CCDC187: variants seen among roughly 807,000 people sequenced by gnomAD.
The protein encoded by CCDC187 is coiled-coil domain-containing protein 187.
A neutral mutation model predicts 38.0 loss-of-function variants in CCDC187; 32 were observed. The ratio of observed to expected loss-of-function variants is 0.84; its 90% CI spans 0.64 to 1.13. CCDC187 has a LOEUF of 1.13. Among genes scored for constraint, CCDC187 ranks in the 50% most tolerant of loss-of-function variants. The probability of loss-of-function intolerance (pLI) is 0.00; values close to 1 mark genes in which losing one functional copy is unlikely to be tolerated. For missense variants in CCDC187, 707 were observed against 786.8 expected, an observed-to-expected ratio of 0.90 and a Z score of 1.21; for synonymous variants, 333 against 347.9, an observed-to-expected ratio of 0.96 and a Z score of 0.48.
intron 23 of CCDC187, 22 bp from the exon 24 acceptor site, chr9:136,256,345 G>T (rs554568499): frequency 2.1e-6 from 2 of 975,102 alleles, no homozygotes; most frequent in East Asian, 2.3e-4. Flanking sequence ...TTGCAGAAAT[G>T]ACACTGTTGG....
chr9:136,293,427 TCACATGCTCACACACTCA>T (rs1831419189), intron 4 of CCDC187, among the ~76,000 whole-genome samples: 3 of 40,450 alleles, frequency 7.4e-5, no homozygotes, highest in African/African-American at 2.3e-4. Flanking sequence ...TCACATACTC[TCACATGCTCACACACTCA>T]CACATGCTCA....
rs1161032602 is a variant in CCDC187 at position 136,293,237 on chromosome 9, T to A, written c.833-942A>T. On this transcript the variant is annotated intron_variant, in intron 4 of 25. Coordinates refer to ENST00000638797, the MANE Select transcript of CCDC187 (RefSeq NM_001378188.1). ...TGCTCACACACTCACACTCACACGC[T>A]CACACTCACATGCTTACACACTCAC... 2.0e-3 allele frequency among the ~76,000 whole-genome samples: 241 copies of A among 119,730 alleles called. 3 individuals carry two copies. Among genetic ancestry groups the A allele is most frequent in the African/African-American group, 7.4e-3 (228 of 30,684 alleles). The allele number at this position is 119,730 out of a possible 152,430, so 78.5% of individuals were successfully genotyped here. A position where few individuals can be genotyped will look rare whatever the true frequency, so the allele number is the denominator to read the frequency against.
intron 9 of CCDC187, among the ~76,000 whole-genome samples, chr9:136,282,992 T>C (rs1351281314): frequency 1.3e-5 from 2 of 152,228 alleles, no homozygotes; most frequent in African/African-American, 4.8e-5. Context: ...GGCTCACGCC[T>C]GTAATCCCAG....
rs1175679343 is a variant in CCDC187 at position 136,254,208 on chromosome 9, A to G, written c.5620T>C (p.Phe1874Leu). The G allele has an allele frequency of 2.0e-6, 2 of 985,322 alleles. No individual in the cohort carries two copies. The highest frequency in any genetic ancestry group is 2.3e-4 in the East Asian group (2 of 8,810). The allele number at this position is 985,322 out of a possible 1,614,324, so 61.0% of individuals were successfully genotyped here. Residue 1874 changes from phenylalanine to leucine, a missense_variant, in exon 26 of 26, where the codon TTC becomes CTC. Transcript: ENST00000638797. Reference sequence around the variant, plus strand: ...CCGGCAGAAGAGATTTGCAGCGGGAACACCACACCGGCGGCCTCAGGGGGT... The same window carrying G: ...CCGGCAGAAGAGATTTGCAGCGGGAGCACCACACCGGCGGCCTCAGGGGGT... The part of the protein sequence containing the change: ...QAPPEAAGVV[F>L]PLQISSAGDS...
intron 8 of CCDC187, 147 bp from the exon 9 acceptor site, chr9:136,285,753 C>G: frequency 2.5e-6 from 1 of 397,404 alleles, no homozygotes; most frequent in Non-Finnish European, 4.4e-6. Flanking sequence ...GGCCTCTCTG[C>G]TGGAGGAAGG....
intron 17 of CCDC187, chr9:136,265,604 GA>G (rs1321285070): frequency 6.6e-6 from 1 of 152,258 alleles, no homozygotes; most frequent in Non-Finnish European, 1.5e-5. Flanking sequence ...TTCCAAGGAG[GA>G]AACTGAGGCT....
chr9:136,294,265 T>C (rs1831480339), intron 4 of CCDC187, among the ~76,000 whole-genome samples: 1 of 144,736 alleles, frequency 6.9e-6, no homozygotes, highest in Non-Finnish European at 1.5e-5. Flanking sequence ...CACGCGCTCA[T>C]ATACACACGC....
chr9:136,285,302 G>T (rs1443357262), intron 9 of CCDC187, among the ~76,000 whole-genome samples: 1 of 152,122 alleles, frequency 6.6e-6, no homozygotes, highest in African/African-American at 2.4e-5. Context: ...CTGACGCGGG[G>T]CTTCCCTGCC....
intron 9 of CCDC187, among the ~76,000 whole-genome samples, chr9:136,282,805 G>T (rs909405180): frequency 6.6e-6 from 1 of 152,240 alleles, no homozygotes; most frequent in Non-Finnish European, 1.5e-5. Flanking sequence ...AGCTGGACGT[G>T]TGCCCAGGCC....
At chr9:136,297,888 C>T (rs1831574988) in intron 3 of CCDC187, 67 bp from the exon 4 acceptor site, 3 of 395,274 alleles carry the variant, frequency 7.6e-6, no homozygotes, top group Admixed American at 8.9e-5. Context: ...ACGGGCCCCC[C>T]ACGTGGCTAC....
chr9:136,285,357 C>T (rs1726281516), intron 9 of CCDC187, among the ~76,000 whole-genome samples, 156 bp downstream of exon 9: 1 of 152,116 alleles, frequency 6.6e-6, no homozygotes, highest in Non-Finnish European at 1.5e-5. Context: ...GGTCCCTGGC[C>T]GCAGCCTCTG....
chr9:136,293,867 TGCTC>T (rs1831452021), intron 4 of CCDC187, among the ~76,000 whole-genome samples: 2 of 149,314 alleles, frequency 1.3e-5, no homozygotes, highest in African/African-American at 2.5e-5. Context: ...CAGTCTCATA[TGCTC>T]TCTGACTCAC....
rs1830636286 is a variant in CCDC187 at position 136,258,109 on chromosome 9, C to T, written c.4366+823G>A. Among the ~76,000 whole-genome samples, 1 of 152,274 alleles carries T rather than the reference C, an allele frequency of 6.6e-6. No homozygotes were observed. The highest frequency in any genetic ancestry group is 1.5e-5 in the Non-Finnish European group (1 of 68,012). On this transcript the variant is annotated intron_variant, in intron 22 of 25. Transcript: ENST00000638797. This position sits in a 1 kb window ranked among gnomAD's most constrained non-coding sequence, Gnocchi z 4.3. ...TTCACGGTGGCCGCAGAAGCCTGAA[C>T]AGCGCAGGCCCGGAGGTGACGCGGG... is the stretch of plus-strand genomic sequence containing the variant.
Position 136,254,987 on chromosome 9 carries a change from T to C in CCDC187, c.4841A>G (p.His1614Arg). ...GPSEEATVSS[H>R]TSPAGSVSSL... Reference sequence around the variant, plus strand: ...GCTCACAGAGCCTGCTGGGGAGGTGTGGGATGACACCGTGGCTTCTTCCGA... The same window carrying C: ...GCTCACAGAGCCTGCTGGGGAGGTGCGGGATGACACCGTGGCTTCTTCCGA... The change falls in exon 26 of 26, where the codon CAC becomes CGC. Residue 1614 changes from histidine to arginine, a missense_variant. His to Arg is a conservative substitution (Grantham distance 29). Coordinates refer to ENST00000638797, the MANE Select transcript of CCDC187 (RefSeq NM_001378188.1). 1 of 985,266 alleles carries C rather than the reference T, an allele frequency of 1.0e-6. No homozygotes were observed. The highest frequency in any genetic ancestry group is 1.2e-6 in the Non-Finnish European group (1 of 829,876). 61.0% of individuals were successfully genotyped at this position (985,266 alleles called of 1,614,324 possible).
chr9:136,259,674 C>T (rs1328943368), intron 20 of CCDC187, among the ~76,000 whole-genome samples: 2 of 152,314 alleles, frequency 1.3e-5, no homozygotes, highest in Admixed American at 6.5e-5. Flanking sequence ...CTGGGAAAAG[C>T]AGCCTCTGAG....
chr9:136,305,178 A>G (rs923661861), upstream of CCDC187, among the ~76,000 whole-genome samples: 1 of 152,136 alleles, frequency 6.6e-6, no homozygotes, highest in African/African-American at 2.4e-5. Flanking sequence ...AGGTGCGGCC[A>G]CCTCCAGCCC....
At chr9:136,300,789 G>T (rs886419502) in intron 2 of CCDC187, among the ~76,000 whole-genome samples, 1 of 152,130 alleles carries the variant, frequency 6.6e-6, no homozygotes, top group Non-Finnish European at 1.5e-5. Flanking sequence ...TAGTAGAGAC[G>T]GGGTTTCACC....
chr9:136,291,284 A>C lies in CCDC187; in HGVS notation c.1329T>G (p.Ser443Arg). ...RKHSSLERAR[S>R]VHTWEPWSSS... ...AGCTCCAGGGCTCCCAGGTGTGGAC[A>C]CTCCTAGCCCTCTCTAAAGAGGAAT... The change falls in exon 6 of 26, where the codon AGT (serine) becomes AGG (arginine). Residue 443 changes from serine to arginine, a missense_variant. Coordinates refer to ENST00000638797, the MANE Select transcript of CCDC187 (RefSeq NM_001378188.1). The C allele has an allele frequency of 2.5e-6, 1 of 398,616 alleles. No homozygotes were observed. Among genetic ancestry groups the C allele is most frequent in the Non-Finnish European group, 4.4e-6 (1 of 226,100 alleles). 24.7% of individuals were successfully genotyped at this position (398,616 alleles called of 1,614,324 possible). A position where few individuals can be genotyped will look rare whatever the true frequency, so the allele number is the denominator to read the frequency against.
chr9:136,294,570 A>G (rs1831488567), intron 4 of CCDC187, among the ~76,000 whole-genome samples: 1 of 152,186 alleles, frequency 6.6e-6, no homozygotes, highest in South Asian at 2.1e-4. Context: ...CAGAGAGCTG[A>G]GCACCCAGGG....
Sources: allele counts gnomAD v4.1 joint callset (sites outside exome capture counted in the v4.1 genomes callset), GRCh38; gene constraint gnomAD v4.1.1; non-coding constraint Gnocchi (gnomAD v3.1); transcripts MANE v1.5; gene names NCBI Gene and HGNC (gene_info 2026-07-23, HGNC 2026-07-21).